Variants in LGSN observed in about 807,000 individuals in gnomAD.
LGSN encodes the protein lengsin, lens protein with glutamine synthetase domain, also known as lengsin.
LGSN carries 21 observed loss-of-function variants against 19.5 expected under a neutral mutation model. That is an observed-to-expected ratio of 1.07 (90% CI 0.76 to 1.55). LGSN has a LOEUF of 1.55. LGSN is among the 40% of genes most tolerant of loss of function. The probability of loss-of-function intolerance (pLI) is 0.00; values close to 1 mark genes in which losing one functional copy is unlikely to be tolerated. For missense variants in LGSN, 673 were observed against 608.5 expected (o/e 1.11, Z -1.12); for synonymous variants, 257 against 215.6 (o/e 1.19, Z -1.68).
At chr6:63,447,443 C>T in the LGSN span, among the ~76,000 whole-genome samples, 4 of 152,110 alleles carry the variant, frequency 2.6e-5, no homozygotes, top group African/African-American at 9.7e-5. Flanking sequence ...GGTGTTGCTA[C>T]CTTACTTGGC....
chr6:63,377,932 A>G, the LGSN span, among the ~76,000 whole-genome samples: 233 of 146,796 alleles, frequency 1.6e-3, no homozygotes, highest in Non-Finnish European at 2.8e-3. Context: ...AAAAAAAAAA[A>G]AAAGAAAAGA....
At chr6:63,294,804 G>A (rs1767911549) in intron 2 of LGSN, 109 bp downstream of exon 2, 2 of 1,071,058 alleles carry the variant, frequency 1.9e-6, no homozygotes, top group Admixed American at 4.1e-5. Context: ...ACTTTTATTT[G>A]TCCTTTTGCT....
chr6:63,285,480 G>T, intron 3 of LGSN, 107 bp downstream of exon 3: 1 of 852,536 alleles, frequency 1.2e-6, no homozygotes, highest in South Asian at 2.0e-5. Context: ...TTGATTTTCA[G>T]CTTGAATTGC....
At chr6:63,329,065 A>G in the LGSN span, among the ~76,000 whole-genome samples, 2 of 152,334 alleles carry the variant, frequency 1.3e-5, no homozygotes, top group Non-Finnish European at 2.9e-5. Context: ...TGTACCCTTG[A>G]TTAGCTAGAA....
the LGSN span, among the ~76,000 whole-genome samples, chr6:63,539,102 C>T: frequency 1.2e-3 from 184 of 152,128 alleles, 1 homozygote; most frequent in Non-Finnish European, 2.4e-3. Context: ...CATGTTGGCC[C>T]ATGCTGATCT....
chr6:63,392,368 G>GAGC, the LGSN span: 1 of 152,390 alleles, frequency 6.6e-6, no homozygotes, highest in Non-Finnish European at 1.5e-5. Context: ...CTGTAAATGA[G>GAGC]AGCAGCACTA....
At chr6:63,388,012 C>T in the LGSN span, among the ~76,000 whole-genome samples, 1 of 152,078 alleles carries the variant, frequency 6.6e-6, no homozygotes, top group African/African-American at 2.4e-5. Flanking sequence ...ATAACAGGTG[C>T]CCACCATCAT....
chr6:63,292,424 T>TCC (rs549300146), intron 2 of LGSN, among the ~76,000 whole-genome samples: 29 of 152,328 alleles, frequency 1.9e-4, no homozygotes, highest in African/African-American at 7.0e-4. Context: ...GGAGATAATC[T>TCC]CCAAGCATTT....
the LGSN span, among the ~76,000 whole-genome samples, chr6:63,353,545 T>C: frequency 2.9e-3 from 402 of 139,028 alleles, 3 homozygotes; most frequent in African/African-American, 0.01. Flanking sequence ...ACTTCATTAA[T>C]ACCTGGACTT....
the LGSN span, among the ~76,000 whole-genome samples, chr6:63,325,802 T>C: frequency 2.0e-5 from 3 of 152,186 alleles, no homozygotes; most frequent in Non-Finnish European, 4.4e-5. Context: ...CGGTGAGTTT[T>C]ACAGCTCATA....
the LGSN span, among the ~76,000 whole-genome samples, chr6:63,531,073 T>G: frequency 6.6e-6 from 1 of 152,206 alleles, no homozygotes; most frequent in Admixed American, 6.5e-5. Context: ...AACTTCTATA[T>G]TGTGTGTCCA....
the LGSN span, among the ~76,000 whole-genome samples, chr6:63,555,940 C>T: frequency 6.6e-6 from 1 of 152,230 alleles, no homozygotes; most frequent in African/African-American, 2.4e-5. Flanking sequence ...ATCTGCCTGC[C>T]TCAGCCTCCC....
chr6:63,455,005 C>G, the LGSN span, among the ~76,000 whole-genome samples: 1 of 150,312 alleles, frequency 6.7e-6, no homozygotes, highest in African/African-American at 2.5e-5. Context: ...GTTGGCCAGG[C>G]TGGTCTTGAA....
chr6:63,458,761 G>A, the LGSN span, among the ~76,000 whole-genome samples: 3 of 152,114 alleles, frequency 2.0e-5, no homozygotes, highest in African/African-American at 4.8e-5. Context: ...TATGTTTTTC[G>A]AAGTGTTAAT....
At chr6:63,372,582 C>T in the LGSN span, among the ~76,000 whole-genome samples, 1 of 152,124 alleles carries the variant, frequency 6.6e-6, no homozygotes, top group Non-Finnish European at 1.5e-5. Context: ...TAGGGCTCAT[C>T]ATGCTGATGA....
At chr6:63,509,026 T>G in the LGSN span, among the ~76,000 whole-genome samples, 3 of 151,714 alleles carry the variant, frequency 2.0e-5, no homozygotes, top group South Asian at 2.1e-4. Flanking sequence ...TTTGTATTCA[T>G]ATTATATTTA....
chr6:63,384,412 C>G, the LGSN span, among the ~76,000 whole-genome samples: 1 of 151,652 alleles, frequency 6.6e-6, no homozygotes, highest in African/African-American at 2.4e-5. Flanking sequence ...CCGTTATGAG[C>G]AGAATTGTGT....
the LGSN span, among the ~76,000 whole-genome samples, chr6:63,359,201 T>C: frequency 6.6e-6 from 1 of 152,202 alleles, no homozygotes; most frequent in African/African-American, 2.4e-5. Flanking sequence ...TCATGGTGGA[T>C]AAGCTTTTTG....
the LGSN span, among the ~76,000 whole-genome samples, chr6:63,555,500 T>C: frequency 0.075 from 11,412 of 152,254 alleles, 475 homozygotes; most frequent in East Asian, 0.16. Context: ...GAAGTATTAC[T>C]ACTGCCAGTG....
Sources: allele counts gnomAD v4.1 joint callset (sites outside exome capture counted in the v4.1 genomes callset), GRCh38; gene constraint gnomAD v4.1.1; transcripts MANE v1.5; gene names NCBI Gene and HGNC (gene_info 2026-07-23, HGNC 2026-07-21).